The following GALNTL6 variants were observed in gnomAD, a reference collection of about 807,000 sequenced individuals.
The protein encoded by GALNTL6 is polypeptide N-acetylgalactosaminyltransferase-like 6.
Under a neutral mutation model 73.7 loss-of-function variants are expected in GALNTL6, and 46 were observed. The observed-to-expected ratio is 0.62, with a 90% confidence interval of 0.49 to 0.80. The LOEUF is 0.80. Among genes scored for constraint, GALNTL6 ranks in the 30% least tolerant of loss-of-function variants. GALNTL6 has a pLI of 0.00. For synonymous variants in GALNTL6, 259 were observed against 263.7 expected, an observed-to-expected ratio of 0.98 and a Z score of 0.17; for missense variants, 604 against 755.0, an observed-to-expected ratio of 0.80 and a Z score of 2.34.
intron 5 of GALNTL6, among the ~76,000 whole-genome samples, chr4:172,489,272 G>A (rs1268493517): frequency 1.3e-5 from 2 of 151,982 alleles, no homozygotes; most frequent in East Asian, 1.9e-4. Context: ...GCGCACGCAC[G>A]CAGACACACA....
At chr4:172,326,501 C>T (rs1740947626) in intron 4 of GALNTL6, among the ~76,000 whole-genome samples, 1 of 151,834 alleles carries the variant, frequency 6.6e-6, no homozygotes, top group African/African-American at 2.4e-5. Context: ...CATTTTATTA[C>T]CTACTAATAA....
intron 3 of GALNTL6, among the ~76,000 whole-genome samples, chr4:172,271,508 G>A (rs543498018): frequency 2.0e-5 from 3 of 152,142 alleles, no homozygotes; most frequent in South Asian, 2.1e-4. Context: ...TACATGTGAT[G>A]TGCATATGTG....
intron 5 of GALNTL6, among the ~76,000 whole-genome samples, chr4:172,551,866 G>A (rs892029783): frequency 1.3e-5 from 2 of 152,080 alleles, no homozygotes; most frequent in East Asian, 1.9e-4. Context: ...GGTGTTTTAT[G>A]CAAAGATAAT....
intron 5 of GALNTL6, among the ~76,000 whole-genome samples, chr4:172,516,945 A>G (rs1290342615): frequency 6.6e-6 from 1 of 152,196 alleles, no homozygotes; most frequent in African/African-American, 2.4e-5. Context: ...GACAAATACT[A>G]CATGATTCCA....
chr4:172,773,340 A>C (rs756337761), intron 5 of GALNTL6, among the ~76,000 whole-genome samples: 5 of 152,148 alleles, frequency 3.3e-5, no homozygotes, highest in Non-Finnish European at 5.9e-5. Context: ...AGCCGGAATT[A>C]TAGGTATGAG....
chr4:172,652,341 T>C (rs1162597947), intron 5 of GALNTL6, among the ~76,000 whole-genome samples: 1 of 152,116 alleles, frequency 6.6e-6, no homozygotes, highest in Non-Finnish European at 1.5e-5. Context: ...AAACAAGAAA[T>C]CTCTTAGGAT....
intron 5 of GALNTL6, among the ~76,000 whole-genome samples, chr4:172,638,726 C>A (rs568481361): frequency 5.0e-4 from 76 of 152,156 alleles, no homozygotes; most frequent in African/African-American, 1.7e-3. Flanking sequence ...CAAAAATAAA[C>A]CTTATTCAAA....
chr4:172,280,892 G>A (rs1042614845), intron 3 of GALNTL6, among the ~76,000 whole-genome samples: 1 of 152,030 alleles, frequency 6.6e-6, no homozygotes, highest in African/African-American at 2.4e-5. Context: ...CCCGCACGGT[G>A]GCTCACGCCT....
At chr4:173,011,359 G>A (rs1410867949) in intron 11 of GALNTL6, among the ~76,000 whole-genome samples, 1 of 152,100 alleles carries the variant, frequency 6.6e-6, no homozygotes, top group Non-Finnish European at 1.5e-5. Flanking sequence ...TTTTTAGTTT[G>A]ATGTGATCCA....
chr4:173,032,233 A>G (rs984741086), intron 12 of GALNTL6, among the ~76,000 whole-genome samples: 1 of 152,194 alleles, frequency 6.6e-6, no homozygotes, highest in African/African-American at 2.4e-5. Flanking sequence ...GTGGATCACG[A>G]GGTCAGGAGA....
At chr4:172,277,051 ATC>A (rs1393012706) in intron 3 of GALNTL6, among the ~76,000 whole-genome samples, 7 of 151,960 alleles carry the variant, frequency 4.6e-5, no homozygotes, top group Admixed American at 1.3e-4. Flanking sequence ...TTCACTCTGA[ATC>A]TCTGTTTTTG....
intron 4 of GALNTL6, among the ~76,000 whole-genome samples, chr4:172,335,651 A>G (rs768408542): frequency 3.2e-4 from 48 of 152,016 alleles, no homozygotes; most frequent in South Asian, 6.2e-4. Context: ...CAGGATTTCA[A>G]TTTCTTCCTG....
chr4:172,092,679 G>C (rs927777436), intron 2 of GALNTL6, among the ~76,000 whole-genome samples: 2 of 151,860 alleles, frequency 1.3e-5, no homozygotes, highest in African/African-American at 4.8e-5. Flanking sequence ...AGTAAATTCA[G>C]TTTTTAAAAT....
At chr4:172,308,347 G>T (rs1740230421) in intron 3 of GALNTL6, among the ~76,000 whole-genome samples, 1 of 151,750 alleles carries the variant, frequency 6.6e-6, no homozygotes, top group African/African-American at 2.4e-5. Flanking sequence ...GTCCTGGCTA[G>T]GACTTCCAGG....
At chr4:172,725,587 C>T (rs1237737425) in intron 5 of GALNTL6, among the ~76,000 whole-genome samples, 2 of 152,100 alleles carry the variant, frequency 1.3e-5, no homozygotes, top group Non-Finnish European at 2.9e-5. Flanking sequence ...ATATTCCTAA[C>T]TTAAGATAAA....
At chr4:172,735,581 T>G (rs909753921) in intron 5 of GALNTL6, among the ~76,000 whole-genome samples, 2 of 152,128 alleles carry the variant, frequency 1.3e-5, no homozygotes, top group Non-Finnish European at 2.9e-5. Flanking sequence ...TTTGGGGGAC[T>G]GTTAGGAAGG....
At chr4:171,987,531 G>A (rs1010026928) in intron 2 of GALNTL6, among the ~76,000 whole-genome samples, 1 of 152,208 alleles carries the variant, frequency 6.6e-6, no homozygotes, top group African/African-American at 2.4e-5. Context: ...GGGGCATGTT[G>A]AGTAAAGCCA....
In GALNTL6 at chr4:172,986,507, G is replaced by C. The variant is rs370753327; in HGVS notation, c.1372-22671G>C. On this transcript the variant is annotated intron_variant, in intron 10 of 12. Transcript: ENST00000506823. ...TCAGACATAGGGTCACTAGTAGAGA[G>C]AGATTTGGGTCAGGTTGTTAGAAAG... 6.8e-4 allele frequency among the ~76,000 whole-genome samples: 103 copies of C among 152,328 alleles called. No individual in the cohort carries two copies. In the East Asian group the frequency reaches 0.013, roughly 19 times the overall value.
At chr4:171,856,735 G>A (rs1735703529) in intron 2 of GALNTL6, among the ~76,000 whole-genome samples, 1 of 151,936 alleles carries the variant, frequency 6.6e-6, no homozygotes, top group African/African-American at 2.4e-5. Context: ...AAGATCAGTT[G>A]GTTATATTTG....
Sources: allele counts gnomAD v4.1 joint callset (sites outside exome capture counted in the v4.1 genomes callset), GRCh38; gene constraint gnomAD v4.1.1; transcripts MANE v1.5; gene names NCBI Gene and HGNC (gene_info 2026-07-23, HGNC 2026-07-21).